The following PPM1E variants were observed in gnomAD, a reference collection of about 807,000 sequenced individuals.
PPM1E encodes protein phosphatase 1E.
Under a neutral mutation model 65.9 loss-of-function variants are expected in PPM1E, and 20 were observed. The observed-to-expected ratio is 0.30, with a 90% CI of 0.21 to 0.44. The LOEUF (loss-of-function observed/expected upper bound fraction) is 0.44. Among genes scored for constraint, PPM1E ranks in the 20% least tolerant of loss-of-function variants. The pLI is 1.00. For synonymous variants in PPM1E, 352 were observed against 374.9 expected (o/e 0.94, Z 0.70); for missense variants, 713 against 953.1 (o/e 0.75, Z 3.32).
rs1422271594 is a variant in PPM1E at position 58,840,268 on chromosome 17, A to G, written c.464+83807A>G. On this transcript the variant is annotated intron_variant, in intron 1 of 6. Transcript: ENST00000308249. ...AGTTTTTGTTGGGGCTTGGTCATAT[A>G]GACATGATTGACTACTCACATGGCT... Among the ~76,000 whole-genome samples the G allele has an allele frequency of 2.6e-5, 4 of 152,222 alleles. No homozygotes were observed. In the East Asian group the frequency reaches 5.8e-4, roughly 22 times the overall value.
chr17:58,830,469 G>A (rs911382012), intron 1 of PPM1E, among the ~76,000 whole-genome samples: 3 of 151,462 alleles, frequency 2.0e-5, no homozygotes, highest in Non-Finnish European at 4.4e-5. Flanking sequence ...CACCATGCCC[G>A]GCTGATTTTT....
chr17:58,830,218 G>C (rs1406830898), intron 1 of PPM1E, among the ~76,000 whole-genome samples: 1 of 152,080 alleles, frequency 6.6e-6, no homozygotes. Flanking sequence ...AAAATTGTTA[G>C]AAAATTGTTT....
At chr17:58,782,542 C>T (rs1240832566) in intron 1 of PPM1E, among the ~76,000 whole-genome samples, 2 of 151,304 alleles carry the variant, frequency 1.3e-5, no homozygotes, top group Admixed American at 6.6e-5. Flanking sequence ...GCTGGGATTA[C>T]AGGTGCGTGC....
chr17:58,956,003 G>A (rs940022021), intron 2 of PPM1E, among the ~76,000 whole-genome samples: 1 of 152,114 alleles, frequency 6.6e-6, no homozygotes, highest in African/African-American at 2.4e-5. Flanking sequence ...GAAGGTAACT[G>A]GAGCAACAGG....
intron 1 of PPM1E, among the ~76,000 whole-genome samples, chr17:58,782,968 A>G (rs2050064807): frequency 6.6e-6 from 1 of 152,208 alleles, no homozygotes; most frequent in Non-Finnish European, 1.5e-5. Context: ...ACAACAAATC[A>G]CTTAGTAAAG....
intron 1 of PPM1E, among the ~76,000 whole-genome samples, chr17:58,834,060 A>G (rs749115586): frequency 1.8e-4 from 27 of 152,272 alleles, no homozygotes; most frequent in Non-Finnish European, 3.1e-4. Context: ...GTGTCTGTGC[A>G]TGTCTTTCGC....
chr17:58,885,886 A>AGG (rs1219936832), intron 1 of PPM1E, among the ~76,000 whole-genome samples: 2 of 152,182 alleles, frequency 1.3e-5, no homozygotes, highest in African/African-American at 4.8e-5. Flanking sequence ...GGGAGTAGGG[A>AGG]GGAGAATCAA....
chr17:58,859,167 G>T (rs1598614130), intron 1 of PPM1E, among the ~76,000 whole-genome samples: 1 of 152,268 alleles, frequency 6.6e-6, no homozygotes, highest in Middle Eastern at 3.4e-3. Flanking sequence ...CTATGTTATG[G>T]CAATTTGATT....
At chr17:58,970,654 A>G (rs2030546552) in intron 4 of PPM1E, among the ~76,000 whole-genome samples, 1 of 152,168 alleles carries the variant, frequency 6.6e-6, no homozygotes, top group Admixed American at 6.5e-5. Flanking sequence ...AAGAAAGAGA[A>G]TTATTCTTCA....
rs576478760 is a variant in PPM1E, at chr17:58,848,773, C to T, written c.464+92312C>T. On this transcript the variant is annotated intron_variant, in intron 1 of 6. Coordinates refer to ENST00000308249, the MANE Select transcript of PPM1E (RefSeq NM_014906.5). ...TCTCTGCCAGGCTTTGCTATCAGGA[C>T]GATGTTGGCCTCATAAAATGAATTA... Among the ~76,000 whole-genome samples the T allele has an allele frequency of 4.9e-4, 74 of 152,182 alleles. No individual in the cohort carries two copies. The South Asian group carries it at 6.0e-3, about 12-fold the overall frequency.
intron 1 of PPM1E, among the ~76,000 whole-genome samples, chr17:58,850,367 C>A (rs551740324): frequency 2.0e-5 from 3 of 152,098 alleles, no homozygotes; most frequent in African/African-American, 7.2e-5. Flanking sequence ...GTTTCTTCCT[C>A]GCATCGATGG....
In PPM1E at chr17:58,755,988, A is replaced by G; in HGVS notation, c.-10A>G. On this transcript the variant is annotated 5_prime_UTR_variant, in exon 1 of 7. The change abolishes an upstream ATG in the 5' untranslated region. Coordinates refer to ENST00000308249, the MANE Select transcript of PPM1E (RefSeq NM_014906.5). ...CCCCTTTCCCGGTCTGCCCTGGGGC[A>G]TGAGCAGCGATGGCCGGCTGCATCC... 6.2e-7 allele frequency: 1 copy of G among 1,613,928 alleles called. No homozygotes were observed. The highest frequency in any genetic ancestry group is 8.5e-7 in the Non-Finnish European group (1 of 1,179,894).
intron 1 of PPM1E, among the ~76,000 whole-genome samples, chr17:58,856,314 A>G (rs2050881750): frequency 6.6e-6 from 1 of 152,064 alleles, no homozygotes; most frequent in African/African-American, 2.4e-5. Flanking sequence ...ATCTCTGCTC[A>G]CTGCAGCCCC....
chr17:58,887,169 T>TC (rs2051276928), intron 1 of PPM1E, among the ~76,000 whole-genome samples: 3 of 145,918 alleles, frequency 2.1e-5, no homozygotes, highest in Admixed American at 2.0e-4. Flanking sequence ...CTTCTTTTTT[T>TC]TTTTTTTTTT....
At chr17:58,813,782 G>C (rs2050391445) in intron 1 of PPM1E, among the ~76,000 whole-genome samples, 2 of 152,176 alleles carry the variant, frequency 1.3e-5, no homozygotes, top group Non-Finnish European at 2.9e-5. Flanking sequence ...TCATTTGGAA[G>C]AGTTTCTGGC....
At chr17:58,797,357 C>A (rs2050216521) in intron 1 of PPM1E, among the ~76,000 whole-genome samples, 1 of 152,146 alleles carries the variant, frequency 6.6e-6, no homozygotes, top group Admixed American at 6.6e-5. Context: ...AAGGTTTCTT[C>A]ACACCCTTTC....
Position 58,972,218 on chromosome 17 carries a change from G to T in PPM1E, c.1059G>T (p.Met353Ile). The T allele has an allele frequency of 6.2e-7, 1 of 1,614,142 alleles. No homozygotes were observed. Among genetic ancestry groups the T allele is most frequent in the Non-Finnish European group, 8.5e-7 (1 of 1,180,006 alleles). The stretch of plus-strand genomic sequence containing the variant: ...CCTGGGTGGGTGATTCCCAGGTTAT[G>T]CTTGTGAGAAAGGGCCAAGCTGTTG... ...HVAWVGDSQVMLVRKGQAVEL... is the reference protein window; with the variant it reads ...HVAWVGDSQVILVRKGQAVEL... Residue 353 changes from methionine to isoleucine, a missense_variant, in exon 5 of 7, where the codon ATG (methionine) becomes ATT (isoleucine). Coordinates refer to ENST00000308249, the MANE Select transcript of PPM1E (RefSeq NM_014906.5).
intron 1 of PPM1E, among the ~76,000 whole-genome samples, chr17:58,876,930 C>A (rs936169786): frequency 6.6e-6 from 1 of 151,778 alleles, no homozygotes; most frequent in Non-Finnish European, 1.5e-5. Context: ...ACTACAGGCA[C>A]CCGCCACCAC....
At chr17:58,954,037 C>T (rs778614248) in intron 1 of PPM1E, among the ~76,000 whole-genome samples, 8 of 152,210 alleles carry the variant, frequency 5.3e-5, no homozygotes, top group Non-Finnish European at 1.2e-4. Flanking sequence ...AGCCACCATG[C>T]CCAGCCAATA....
Sources: allele counts gnomAD v4.1 joint callset (sites outside exome capture counted in the v4.1 genomes callset), GRCh38; gene constraint gnomAD v4.1.1; transcripts MANE v1.5; gene names NCBI Gene and HGNC (gene_info 2026-07-23, HGNC 2026-07-21).